The following NLGN1 variants were observed in gnomAD, a reference collection of about 807,000 sequenced individuals.
NLGN1 encodes neuroligin-1.
A neutral mutation model predicts 65.5 loss-of-function variants in NLGN1; 12 were observed. The observed-to-expected ratio is 0.18, with a 90% CI of 0.12 to 0.30. The LOEUF (loss-of-function observed/expected upper bound fraction) is 0.30, where lower values mean the gene tolerates loss of function less well. Among genes scored for constraint, NLGN1 ranks in the 10% least tolerant of loss-of-function variants. The pLI is 1.00. For synonymous variants in NLGN1, 350 were observed against 359.5 expected (o/e 0.97, Z 0.30); for missense variants, 750 against 1,007.1 (o/e 0.74, Z 3.46).
chr3:174,258,533 T>C (rs1455326084), intron 4 of NLGN1, among the ~76,000 whole-genome samples: 1 of 152,080 alleles, frequency 6.6e-6, no homozygotes, highest in African/African-American at 2.4e-5. Flanking sequence ...TCTAATGGAG[T>C]AATGGCAAAA....
intron 4 of NLGN1, among the ~76,000 whole-genome samples, chr3:174,268,485 TG>T (rs1325203527): frequency 2.0e-5 from 3 of 152,114 alleles, no homozygotes; most frequent in African/African-American, 4.8e-5. Flanking sequence ...GGGGCATTCT[TG>T]AAATGGGAAT....
At chr3:173,952,093 A>G (rs1748328705) in intron 4 of NLGN1, among the ~76,000 whole-genome samples, 1 of 152,158 alleles carries the variant, frequency 6.6e-6, no homozygotes, top group African/African-American at 2.4e-5. Flanking sequence ...GGTGGGATGC[A>G]GGTAGGAAAA....
intron 3 of NLGN1, among the ~76,000 whole-genome samples, chr3:173,700,537 G>A (rs1766972143): frequency 6.6e-6 from 1 of 152,208 alleles, no homozygotes; most frequent in South Asian, 2.1e-4. Context: ...TGTATTGAAT[G>A]TGGAACTTCT....
chr3:173,740,206 G>C (rs1774435280), intron 3 of NLGN1, among the ~76,000 whole-genome samples: 1 of 151,978 alleles, frequency 6.6e-6, no homozygotes, highest in African/African-American at 2.4e-5. Flanking sequence ...CTTATCCCTG[G>C]AGTCTGCCAT....
chr3:173,687,666 G>A (rs530447453), intron 3 of NLGN1, among the ~76,000 whole-genome samples: 29 of 152,282 alleles, frequency 1.9e-4, no homozygotes, highest in African/African-American at 6.7e-4. Flanking sequence ...AGGAGTTGTC[G>A]ATGTCATCAG....
chr3:174,265,796 T>C (rs903091349), intron 4 of NLGN1, among the ~76,000 whole-genome samples: 1 of 146,216 alleles, frequency 6.8e-6, no homozygotes, highest in African/African-American at 2.5e-5. Flanking sequence ...TATATATATA[T>C]ATATAGCCAA....
At chr3:173,884,891 G>A (rs780306375) in intron 4 of NLGN1, among the ~76,000 whole-genome samples, 13 of 152,198 alleles carry the variant, frequency 8.5e-5, no homozygotes, top group South Asian at 8.3e-4. Context: ...CCCTTGTTGA[G>A]ATAGCCTCTG....
rs1318462815 is a variant in NLGN1, at chr3:173,464,010, C to T, written c.-321+28932C>T. On this transcript the variant is annotated intron_variant, in intron 2 of 6. Coordinates refer to ENST00000457714, the Ensembl canonical transcript of NLGN1. Reference sequence around the variant, plus strand: ...GATATTCTAAATATTAAAAAAAAACCTCTTAACATCCTCAATCATTTCTAA... The same window carrying T: ...GATATTCTAAATATTAAAAAAAAACTTCTTAACATCCTCAATCATTTCTAA... 4.6e-5 allele frequency among the ~76,000 whole-genome samples: 7 copies of T among 151,614 alleles called. No individual in the cohort carries two copies. The East Asian group carries it at 1.4e-3, about 29-fold the overall frequency.
chr3:173,723,369 T>A (rs1174440899), intron 3 of NLGN1, among the ~76,000 whole-genome samples: 1 of 152,196 alleles, frequency 6.6e-6, no homozygotes, highest in Non-Finnish European at 1.5e-5. Flanking sequence ...ATCACATAGA[T>A]TTTTATTTTG....
intron 2 of NLGN1, among the ~76,000 whole-genome samples, chr3:173,517,241 T>C (rs979471842): frequency 2.0e-5 from 3 of 152,048 alleles, no homozygotes. Flanking sequence ...TTAAATGAAG[T>C]AATGAGAAGG....
intron 3 of NLGN1, among the ~76,000 whole-genome samples, chr3:173,802,907 T>C (rs923235977): frequency 3.3e-5 from 5 of 152,022 alleles, no homozygotes; most frequent in African/African-American, 1.2e-4. Flanking sequence ...TGGCGTGATC[T>C]TGGCTCACTG....
chr3:174,055,507 C>A (rs1735862693), intron 4 of NLGN1, among the ~76,000 whole-genome samples: 1 of 151,910 alleles, frequency 6.6e-6, no homozygotes, highest in African/African-American at 2.4e-5. Flanking sequence ...GCAGATAAGG[C>A]TGAAGAAAAA....
intron 4 of NLGN1, among the ~76,000 whole-genome samples, chr3:174,020,220 T>C (rs1467922544): frequency 6.6e-6 from 1 of 152,160 alleles, no homozygotes; most frequent in African/African-American, 2.4e-5. Flanking sequence ...CAATTAACTT[T>C]ATTGTTAATT....
At chr3:173,638,999 T>C (rs572524532) in intron 3 of NLGN1, among the ~76,000 whole-genome samples, 2 of 152,198 alleles carry the variant, frequency 1.3e-5, no homozygotes, top group Non-Finnish European at 2.9e-5. Flanking sequence ...CTTTGTATTA[T>C]GTCTGGCCAG....
At chr3:173,736,710 T>A (rs1773828395) in intron 3 of NLGN1, among the ~76,000 whole-genome samples, 1 of 151,988 alleles carries the variant, frequency 6.6e-6, no homozygotes, top group Admixed American at 6.6e-5. Flanking sequence ...TTAAAGGTGC[T>A]AGTAAACCAT....
intron 2 of NLGN1, among the ~76,000 whole-genome samples, chr3:173,489,228 T>TC (rs1391063633): frequency 6.6e-6 from 1 of 151,824 alleles, no homozygotes; most frequent in Non-Finnish European, 1.5e-5. Flanking sequence ...ATGCTATCCC[T>TC]CCCCCTTACC....
intron 4 of NLGN1, among the ~76,000 whole-genome samples, chr3:174,162,713 T>A (rs911044418): frequency 6.6e-6 from 1 of 151,364 alleles, no homozygotes; most frequent in Non-Finnish European, 1.5e-5. Context: ...GAGACAAGTT[T>A]AAAACAGTCC....
chr3:173,561,324 G>A (rs958438959), intron 2 of NLGN1, among the ~76,000 whole-genome samples: 1 of 152,132 alleles, frequency 6.6e-6, no homozygotes, highest in African/African-American at 2.4e-5. Flanking sequence ...ACACGCCTTG[G>A]TTCCATATGT....
intron 4 of NLGN1, among the ~76,000 whole-genome samples, chr3:174,011,749 A>G (rs1725593711): frequency 6.6e-6 from 1 of 152,186 alleles, no homozygotes; most frequent in Non-Finnish European, 1.5e-5. Context: ...AAGGTGAAAT[A>G]AAACATTTTA....
Sources: gnomAD v4.1 joint callset for allele counts (sites outside exome capture counted in the v4.1 genomes callset) on GRCh38, gnomAD v4.1.1 for gene constraint, MANE v1.5 for transcripts, NCBI Gene and HGNC (gene_info 2026-07-23, HGNC 2026-07-21) for gene names.